The following NKAIN2 variants were observed in gnomAD, a reference collection of about 807,000 sequenced individuals.
NKAIN2 encodes the protein sodium/potassium-transporting ATPase subunit beta-1-interacting protein 2.
In NKAIN2, 14 loss-of-function variants were observed where a neutral mutation model predicts 32.6. The ratio of observed to expected loss-of-function variants is 0.43; its 90% confidence interval spans 0.28 to 0.67. NKAIN2 has a LOEUF of 0.67. Among genes scored for constraint, NKAIN2 ranks in the 30% least tolerant of loss-of-function variants. The pLI is 0.17. For missense variants in NKAIN2, 198 were observed against 258.3 expected (o/e 0.77, Z 1.60); for synonymous variants, 80 against 87.2 (o/e 0.92, Z 0.46).
At chr6:124,462,642 T>C (rs1776578081) in intron 3 of NKAIN2, among the ~76,000 whole-genome samples, 1 of 152,006 alleles carries the variant, frequency 6.6e-6, no homozygotes, top group African/African-American at 2.4e-5. Flanking sequence ...TTCTGACAGT[T>C]CAATATTATA....
intron 1 of NKAIN2, among the ~76,000 whole-genome samples, chr6:124,215,754 A>T (rs141369797): frequency 1.1e-4 from 17 of 152,310 alleles, no homozygotes; most frequent in African/African-American, 4.1e-4. Flanking sequence ...CCATCAGAGG[A>T]TCTTCTCAAC....
chr6:123,938,395 GTTATATATATATAT>G (rs1776622232), intron 1 of NKAIN2, among the ~76,000 whole-genome samples: 1 of 77,964 alleles, frequency 1.3e-5, no homozygotes, highest in Non-Finnish European at 2.4e-5. Flanking sequence ...ATTTGCAAGG[GTTATATATATATAT>G]ATATATATAT....
chr6:124,500,891 C>T (rs1778264985), intron 3 of NKAIN2, among the ~76,000 whole-genome samples: 1 of 151,944 alleles, frequency 6.6e-6, no homozygotes, highest in Non-Finnish European at 1.5e-5. Context: ...GTCATAAGAG[C>T]TCATGAAAAC....
At chr6:124,689,308 C>T (rs1218537625) in intron 4 of NKAIN2, among the ~76,000 whole-genome samples, 2 of 151,982 alleles carry the variant, frequency 1.3e-5, no homozygotes, top group Non-Finnish European at 2.9e-5. Context: ...AAATCTTTGG[C>T]CCATTTTTAC....
At chr6:123,977,585 T>C (rs948761155) in intron 1 of NKAIN2, among the ~76,000 whole-genome samples, 1 of 152,176 alleles carries the variant, frequency 6.6e-6, no homozygotes, top group Non-Finnish European at 1.5e-5. Flanking sequence ...AATATGCTAA[T>C]AGGTGAGAAT....
At chr6:124,625,066 A>T (rs1048643860) in intron 3 of NKAIN2, among the ~76,000 whole-genome samples, 1 of 152,194 alleles carries the variant, frequency 6.6e-6, no homozygotes, top group Non-Finnish European at 1.5e-5. Context: ...CTAAGTAGGA[A>T]GAACAAGTCA....
At chr6:124,712,301 G>A (rs1295472721) in intron 4 of NKAIN2, among the ~76,000 whole-genome samples, 1 of 122,258 alleles carries the variant, frequency 8.2e-6, no homozygotes, top group African/African-American at 3.3e-5. Flanking sequence ...CAGAGGTGGA[G>A]CCTACAGAGG....
chr6:124,486,930 A>C (rs1777675774), intron 3 of NKAIN2, among the ~76,000 whole-genome samples: 1 of 152,110 alleles, frequency 6.6e-6, no homozygotes, highest in Admixed American at 6.6e-5. Flanking sequence ...TAAATGCATC[A>C]GTTTTATCAA....
intron 4 of NKAIN2, among the ~76,000 whole-genome samples, chr6:124,659,314 T>C (rs1488766530): frequency 6.6e-6 from 1 of 152,192 alleles, no homozygotes; most frequent in Non-Finnish European, 1.5e-5. Flanking sequence ...TAGTTAATTA[T>C]TTTGGAAATG....
chr6:124,422,406 T>C (rs1774796117), intron 3 of NKAIN2, among the ~76,000 whole-genome samples: 1 of 152,202 alleles, frequency 6.6e-6, no homozygotes, highest in South Asian at 2.1e-4. Flanking sequence ...TGGATATTTT[T>C]ATATCCCATT....
intron 1 of NKAIN2, among the ~76,000 whole-genome samples, chr6:123,834,628 G>C (rs980651104): frequency 1.8e-4 from 28 of 152,088 alleles, no homozygotes; most frequent in African/African-American, 6.8e-4. Context: ...TATCAAAGAG[G>C]GAGCATCATA....
At chr6:124,180,474 CCATGA>C (rs1789388749) in intron 1 of NKAIN2, among the ~76,000 whole-genome samples, 1 of 152,120 alleles carries the variant, frequency 6.6e-6, no homozygotes, top group Admixed American at 6.5e-5. Flanking sequence ...CAGTTCCCTC[CCATGA>C]CACCTGAGAA....
At chr6:124,719,580 CTTTTGTTTTG>C (rs975468504) in intron 4 of NKAIN2, among the ~76,000 whole-genome samples, 2 of 151,924 alleles carry the variant, frequency 1.3e-5, no homozygotes, top group Admixed American at 6.5e-5. Context: ...GTTTCTTTTT[CTTTTGTTTTG>C]TTTTGTTTTA....
intron 4 of NKAIN2, among the ~76,000 whole-genome samples, chr6:124,661,108 C>A (rs575511327): frequency 1.3e-3 from 194 of 152,308 alleles, no homozygotes; most frequent in African/African-American, 4.6e-3. Flanking sequence ...GACCTTGAGG[C>A]TGTCACAGTC....
At chr6:124,403,874 T>C (rs1458083269) in intron 3 of NKAIN2, among the ~76,000 whole-genome samples, 1 of 152,200 alleles carries the variant, frequency 6.6e-6, no homozygotes, top group African/African-American at 2.4e-5. Context: ...AATTTCAATT[T>C]AGTTCAAATC....
intron 1 of NKAIN2, among the ~76,000 whole-genome samples, chr6:124,118,964 G>A (rs771519477): frequency 1.2e-4 from 19 of 152,084 alleles, no homozygotes; most frequent in Non-Finnish European, 2.8e-4. Flanking sequence ...ATGGACTGTC[G>A]TTTGCCAAAT....
chr6:124,265,765 C>T (rs1794465592), intron 1 of NKAIN2, among the ~76,000 whole-genome samples: 1 of 152,110 alleles, frequency 6.6e-6, no homozygotes, highest in Non-Finnish European at 1.5e-5. Context: ...CAATCAGCCC[C>T]CTTGGAACAA....
In NKAIN2 at chr6:124,022,332, G is replaced by T. The variant is rs1442757201; in HGVS notation, c.54+218078G>T. 2.0e-5 allele frequency among the ~76,000 whole-genome samples: 3 copies of T among 152,146 alleles called. No homozygotes were observed. The East Asian group carries it at 5.8e-4, about 29-fold the overall frequency. Reference sequence around the variant, plus strand: ...GGGTTGGTTCCAAGTCTTCACTATTGTGAATAATGCCACAATAAACATACC... The same window carrying T: ...GGGTTGGTTCCAAGTCTTCACTATTTTGAATAATGCCACAATAAACATACC... On this transcript the variant is annotated intron_variant, in intron 1 of 6. Transcript: ENST00000368417.
chr6:124,080,681 C>G (rs1197581748), intron 1 of NKAIN2, among the ~76,000 whole-genome samples: 2 of 151,794 alleles, frequency 1.3e-5, no homozygotes, highest in Non-Finnish European at 2.9e-5. Context: ...ACTTTATGGC[C>G]CTCCCTGATT....
Sources: allele counts gnomAD v4.1 joint callset (sites outside exome capture counted in the v4.1 genomes callset), GRCh38; gene constraint gnomAD v4.1.1; transcripts MANE v1.5; gene names NCBI Gene and HGNC (gene_info 2026-07-23, HGNC 2026-07-21).